The following MAP7D2 variants were observed in gnomAD, a reference collection of about 807,000 sequenced individuals.
The protein encoded by MAP7D2 is MAP7 domain-containing protein 2.
MAP7D2 carries 33 observed loss-of-function variants against 63.5 expected under a neutral mutation model. The observed-to-expected ratio is 0.52, with a 90% CI of 0.39 to 0.70. MAP7D2 has a LOEUF of 0.70. Ranked by LOEUF, MAP7D2 falls within the 30% of genes least tolerant of loss-of-function variation. The pLI is 0.00. For synonymous variants in MAP7D2, 224 were observed against 223.7 expected (o/e 1.00, Z -0.01); for missense variants, 626 against 604.0 (o/e 1.04, Z -0.38).
At chrX:20,071,387 G>T (rs746842306) in intron 1 of MAP7D2, among the ~76,000 whole-genome samples, 45 of 112,613 alleles carry the variant, frequency 4.0e-4, no homozygotes, top group African/African-American at 1.4e-3. Context: ...TGATTCTAAT[G>T]TGCATCCAGA....
At chrX:20,105,963 T>C (rs1038600931) in intron 1 of MAP7D2, among the ~76,000 whole-genome samples, 2 of 111,954 alleles carry the variant, frequency 1.8e-5, no homozygotes, top group East Asian at 5.6e-4. Context: ...CTGCTTGGCA[T>C]CTGGTGAGGG....
At chrX:20,097,838 C>A in intron 1 of MAP7D2, among the ~76,000 whole-genome samples, 1 of 111,195 alleles carries the variant, frequency 9.0e-6, no homozygotes, top group Middle Eastern at 4.6e-3. Context: ...CTCATAAATG[C>A]ACAAAAACTG....
chrX:20,012,346 T>C lies in MAP7D2; in HGVS notation c.2072+3A>G. 1 of 1,168,934 alleles carries C rather than the reference T, an allele frequency of 8.6e-7. No individual in the cohort carries two copies. Among genetic ancestry groups the C allele is most frequent in the Non-Finnish European group, 1.1e-6 (1 of 870,233 alleles). On this transcript the variant is annotated splice_donor_region_variant and intron_variant, in intron 15 of 16. Transcript: ENST00000379643. ...GGCTTAAATGCAAAAGAAATGAATA[T>C]ACCTCACATCCATAGACTGAACTTC...
intron 6 of MAP7D2, among the ~76,000 whole-genome samples, chrX:20,046,312 A>G (rs2064797553): frequency 8.9e-6 from 1 of 112,072 alleles, no homozygotes; most frequent in Admixed American, 9.5e-5. Flanking sequence ...ACCATCCACA[A>G]TCAAGCTGCT....
intron 1 of MAP7D2, among the ~76,000 whole-genome samples, chrX:20,081,206 T>C (rs903752655): frequency 8.9e-6 from 1 of 112,374 alleles, no homozygotes; most frequent in African/African-American, 3.2e-5. Flanking sequence ...GTATTAGCAA[T>C]GTCATTTGAT....
intron 10 of MAP7D2, chrX:20,017,289 G>A (rs1229903140): frequency 8.8e-6 from 1 of 113,017 alleles, no homozygotes; most frequent in Non-Finnish European, 1.9e-5. Context: ...GTTCTCAAAC[G>A]TTAGTTTGTT....
chrX:20,094,517 T>C (rs1464296862), intron 1 of MAP7D2, among the ~76,000 whole-genome samples: 170 of 2,937 alleles, frequency 0.058, 7 homozygotes, highest in African/African-American at 0.26. Context: ...TATATATATG[T>C]ATATATATAT....
At chrX:20,099,619 G>C (rs1228166224) in intron 1 of MAP7D2, among the ~76,000 whole-genome samples, 3 of 111,788 alleles carry the variant, frequency 2.7e-5, no homozygotes, top group Non-Finnish European at 5.6e-5. Context: ...TCCAAGGTGG[G>C]TTTAAGTCTA....
chrX:20,085,267 A>G (rs766702685), intron 1 of MAP7D2, among the ~76,000 whole-genome samples: 10 of 112,326 alleles, frequency 8.9e-5, no homozygotes, highest in Admixed American at 8.5e-4. Flanking sequence ...AGAGGAGAAG[A>G]AGGATGGATG....
At chrX:20,075,586 G>C (rs1272886637) in intron 1 of MAP7D2, among the ~76,000 whole-genome samples, 1 of 111,323 alleles carries the variant, frequency 9.0e-6, no homozygotes, top group African/African-American at 3.3e-5. Context: ...AAGGTACAGT[G>C]TGTGGGTGTG....
intron 1 of MAP7D2, among the ~76,000 whole-genome samples, chrX:20,069,089 GTGC>G (rs1351638829): frequency 8.9e-6 from 1 of 112,030 alleles, no homozygotes; most frequent in African/African-American, 3.2e-5. Flanking sequence ...GACTAATACA[GTGC>G]TGAATTCAGT....
intron 1 of MAP7D2, among the ~76,000 whole-genome samples, chrX:20,108,817 C>T (rs906538668): frequency 1.8e-5 from 2 of 108,508 alleles, no homozygotes; most frequent in Non-Finnish European, 3.8e-5. Flanking sequence ...CAGGGTCCTT[C>T]TAGAGCAATG....
In MAP7D2 at chrX:20,047,173, G is replaced by T. The variant is rs755982152; in HGVS notation, c.719-2649C>A. 2.7e-5 allele frequency among the ~76,000 whole-genome samples: 3 copies of T among 112,504 alleles called. No homozygotes were observed. In the South Asian group the frequency reaches 1.1e-3, roughly 41 times the overall value. On this transcript the variant is annotated intron_variant, in intron 6 of 16. Transcript: ENST00000379643. ...TTGGGACTGATGGCCTCAGGCAGCC[G>T]CCATAAAACCTGGGACTGAGCTGAA...
intron 4 of MAP7D2, among the ~76,000 whole-genome samples, chrX:20,056,213 T>C (rs989816948): frequency 8.9e-6 from 1 of 112,125 alleles, no homozygotes; most frequent in Non-Finnish European, 1.9e-5. Context: ...ATGAAATAAG[T>C]CACCTTGAAA....
intron 4 of MAP7D2, among the ~76,000 whole-genome samples, chrX:20,055,085 TTTTTC>T (rs1323396566): frequency 1.8e-5 from 2 of 111,631 alleles, no homozygotes; most frequent in African/African-American, 3.3e-5. Flanking sequence ...GCTTTTTTTT[TTTTTC>T]TTTGCCAGTT....
chrX:20,109,953 T>C (rs904827906), intron 1 of MAP7D2, among the ~76,000 whole-genome samples: 1 of 110,212 alleles, frequency 9.1e-6, no homozygotes, highest in Non-Finnish European at 1.9e-5. Flanking sequence ...GGAGAATCAC[T>C]TGAACCCAGG....
At chrX:20,098,547 C>G (rs1460285320) in intron 1 of MAP7D2, among the ~76,000 whole-genome samples, 1 of 108,066 alleles carries the variant, frequency 9.3e-6, no homozygotes, top group Non-Finnish European at 1.9e-5. Context: ...GTTGTCCGCT[C>G]TCTACACGGT....
At position 20,053,616 on chromosome X, in the gene MAP7D2, T is replaced by C. The variant is rs186399735; in HGVS notation, c.485-628A>G. 2.7e-5 allele frequency among the ~76,000 whole-genome samples: 3 copies of C among 111,629 alleles called. No individual in the cohort carries two copies. The Admixed American group carries it at 2.9e-4, about 11-fold the overall frequency. The stretch of plus-strand genomic sequence containing the variant: ...TAACAGGCGACCCTGAGTTTGGTGT[T>C]CTTACGTTCCAGTCATTATTTCAGA... On this transcript the variant is annotated intron_variant, in intron 4 of 16. Coordinates refer to ENST00000379643, the MANE Select transcript of MAP7D2 (RefSeq NM_001168465.2).
At chrX:20,010,722 T>C in intron 16 of MAP7D2, 55 bp downstream of exon 16, 1 of 1,065,455 alleles carries the variant, frequency 9.4e-7, no homozygotes. Context: ...ACATCCTATC[T>C]TCACAAACCC....
Sources: allele counts gnomAD v4.1 joint callset (sites outside exome capture counted in the v4.1 genomes callset), GRCh38; gene constraint gnomAD v4.1.1; transcripts MANE v1.5; gene names NCBI Gene and HGNC (gene_info 2026-07-23, HGNC 2026-07-21).